The following TTC7B variants were observed in gnomAD, a reference collection of about 807,000 sequenced individuals.
The protein encoded by TTC7B is tetratricopeptide repeat domain 7B.
In TTC7B, 28 loss-of-function variants were observed where a neutral mutation model predicts 106.8. That is an observed-to-expected ratio of 0.26 (90% confidence interval 0.19 to 0.36). The LOEUF is 0.36. Ranked by LOEUF, TTC7B falls within the 10% of genes least tolerant of loss-of-function variation. TTC7B has a pLI of 1.00. For missense variants in TTC7B, 862 were observed against 1,076.4 expected (o/e 0.80, Z 2.79); for synonymous variants, 405 against 430.6 (o/e 0.94, Z 0.74).
At chr14:90,580,115 C>T (rs1019374153) in intron 18 of TTC7B, among the ~76,000 whole-genome samples, 11 of 152,208 alleles carry the variant, frequency 7.2e-5, no homozygotes, top group South Asian at 2.1e-4. Flanking sequence ...CTGCACCCAC[C>T]GGAATATGGG....
chr14:90,647,828 ACTT>A (rs1265409805), intron 13 of TTC7B, among the ~76,000 whole-genome samples: 1 of 152,166 alleles, frequency 6.6e-6, no homozygotes, highest in East Asian at 1.9e-4. Flanking sequence ...AGAAAAACAA[ACTT>A]CTACTTTCTT....
intron 8 of TTC7B, among the ~76,000 whole-genome samples, chr14:90,680,122 T>G (rs746988614): frequency 5.3e-5 from 8 of 152,206 alleles, no homozygotes; most frequent in Non-Finnish European, 1.2e-4. Flanking sequence ...GGGGCCTCTT[T>G]CTCCTTTTAA....
intron 9 of TTC7B, among the ~76,000 whole-genome samples, chr14:90,674,661 A>G (rs949186894): frequency 1.3e-5 from 2 of 152,222 alleles, no homozygotes; most frequent in African/African-American, 4.8e-5. Flanking sequence ...TAGTACATAC[A>G]TGTGTTGAAG....
In TTC7B at chr14:90,816,403, G is replaced by C; in HGVS notation, c.-108C>G. On this transcript the variant is annotated 5_prime_UTR_variant, in exon 1 of 20. Coordinates refer to ENST00000328459, the MANE Select transcript of TTC7B (RefSeq NM_001010854.2). ...CCGCGGGCTCGGGCTCCGGCTCCCG[G>C]CTCCGCGGCGTAACGGGAGCGCCGG... 1 of 576,172 alleles carries C rather than the reference G, an allele frequency of 1.7e-6. No homozygotes were observed. The highest frequency in any genetic ancestry group is 2.2e-6 in the Non-Finnish European group (1 of 459,828). The allele number at this position is 576,172 out of a possible 1,614,324, so 35.7% of individuals were successfully genotyped here. A position where few individuals can be genotyped will look rare whatever the true frequency, so the allele number is the denominator to read the frequency against.
At chr14:90,730,753 C>G (rs1315045621) in intron 4 of TTC7B, among the ~76,000 whole-genome samples, 1 of 152,212 alleles carries the variant, frequency 6.6e-6, no homozygotes, top group African/African-American at 2.4e-5. Flanking sequence ...TGAGGTTGGG[C>G]TGCGTGGCAG....
intron 4 of TTC7B, among the ~76,000 whole-genome samples, chr14:90,741,206 C>A (rs754934818): frequency 1.3e-5 from 2 of 152,160 alleles, no homozygotes; most frequent in African/African-American, 4.8e-5. Context: ...AGTGTCACTG[C>A]CCTTCAGGAA....
rs974426767 is a variant in TTC7B, at chr14:90,570,817, C to T, written c.2310+7289G>A. Among the ~76,000 whole-genome samples, 7 of 152,182 alleles carry T rather than the reference C, an allele frequency of 4.6e-5. No homozygotes were observed. The highest frequency in any genetic ancestry group is 1.7e-4 in the African/African-American group (7 of 41,436). On this transcript the variant is annotated intron_variant, in intron 19 of 19. Coordinates refer to ENST00000328459, the MANE Select transcript of TTC7B (RefSeq NM_001010854.2). This position sits in a 1 kb window ranked among gnomAD's most constrained non-coding sequence, Gnocchi z 4.0. ...CTAACTCATTTAACCCGCACAGCAA[C>T]ACCACCGGGCACTGTTATTACTCCC...
Position 90,815,986 on chromosome 14 carries a change from C to T in TTC7B, c.121+189G>A, listed in dbSNP as rs1595061769. On this transcript the variant is annotated intron_variant, in intron 1 of 19. Transcript: ENST00000328459. ...AGCCCCTGGCGCCCCCCCGGGCCCC[C>T]ACACCGCGTGACTCCGGGGCACCCG... Among the ~76,000 whole-genome samples the T allele has an allele frequency of 4.0e-5, 6 of 151,548 alleles. No homozygotes were observed. The East Asian group carries it at 1.2e-3, about 30-fold the overall frequency.
At chr14:90,641,301 C>T (rs796251098) in intron 15 of TTC7B, among the ~76,000 whole-genome samples, 1 of 152,226 alleles carries the variant, frequency 6.6e-6, no homozygotes, top group Admixed American at 6.5e-5. Context: ...CTACTAACTG[C>T]CCAACAGGTG....
At chr14:90,598,603 C>T (rs559544960) in intron 17 of TTC7B, among the ~76,000 whole-genome samples, 1 of 152,208 alleles carries the variant, frequency 6.6e-6, no homozygotes, top group South Asian at 2.1e-4. Context: ...CTGAACCCTT[C>T]CTGAGGTTTT....
intron 19 of TTC7B, among the ~76,000 whole-genome samples, chr14:90,560,855 T>C: frequency 6.6e-6 from 1 of 152,252 alleles, no homozygotes; most frequent in Non-Finnish European, 1.5e-5. Context: ...TCTTTGATCA[T>C]TGCAAAGGCA....
intron 16 of TTC7B, among the ~76,000 whole-genome samples, chr14:90,613,460 T>C (rs1477867295): frequency 6.6e-6 from 1 of 152,200 alleles, no homozygotes; most frequent in Non-Finnish European, 1.5e-5. Context: ...CTTGAAGCAA[T>C]TTTTAGTTCT....
chr14:90,541,225 T>G lies in TTC7B; in HGVS notation c.*143A>C. The G allele has an allele frequency of 4.5e-6, 3 of 670,398 alleles. No homozygotes were observed. Among genetic ancestry groups the G allele is most frequent in the East Asian group, 2.9e-5 (1 of 34,218 alleles). The allele number at this position is 670,398 out of a possible 1,614,324, so 41.5% of individuals were successfully genotyped here. ...GGCGAGAGCGATGATTCGGGGTTGG[T>G]TTGGTTGGTTCACTGTGGCCCACTG... On this transcript the variant is annotated 3_prime_UTR_variant, in exon 20 of 20. Transcript: ENST00000328459.
At chr14:90,748,939 G>A (rs1438368646) in intron 3 of TTC7B, among the ~76,000 whole-genome samples, 1 of 152,072 alleles carries the variant, frequency 6.6e-6, no homozygotes, top group Non-Finnish European at 1.5e-5. Context: ...ATTTCTTTCA[G>A]CTACTATCTG....
intron 19 of TTC7B, among the ~76,000 whole-genome samples, chr14:90,564,171 G>T (rs1007427117): frequency 6.6e-5 from 10 of 151,886 alleles, no homozygotes; most frequent in African/African-American, 2.4e-4. Flanking sequence ...TTGATCCATG[G>T]GCTGTAAAGT....
At position 90,610,804 on chromosome 14, in the gene TTC7B, G is replaced by A; in HGVS notation, c.1904C>T (p.Thr635Ile). ...SGRGSSLLDRTIADRRQLNTI... is the reference protein window; with the variant it reads ...SGRGSSLLDRIIADRRQLNTI... ...ATTAAGCTGTCGTCTGTCAGCAATG[G>A]TTCTATCTAAGAGGCTGCTCCCACG... is the stretch of plus-strand genomic sequence containing the variant. Residue 635 changes from threonine (T) to isoleucine (I), a missense_variant, in exon 17 of 20, where the codon ACC becomes ATC. Physicochemically the swap from Thr to Ile is moderately conservative, Grantham distance 89. Coordinates refer to ENST00000328459, the MANE Select transcript of TTC7B (RefSeq NM_001010854.2). 2 of 1,613,882 alleles carry A rather than the reference G, an allele frequency of 1.2e-6. No homozygotes were observed. The highest frequency in any genetic ancestry group is 1.7e-6 in the Non-Finnish European group (2 of 1,179,878).
At chr14:90,604,897 T>G (rs139878483) in intron 17 of TTC7B, among the ~76,000 whole-genome samples, 1 of 152,336 alleles carries the variant, frequency 6.6e-6, no homozygotes, top group East Asian at 1.9e-4. Context: ...AAAATACTAT[T>G]CAATTTCTCT....
chr14:90,660,498 C>T (rs1407884031), intron 9 of TTC7B, among the ~76,000 whole-genome samples: 2 of 151,160 alleles, frequency 1.3e-5, no homozygotes, highest in Non-Finnish European at 3.0e-5. Context: ...CCCCCTCCAC[C>T]AAAGGGGAGA....
intron 1 of TTC7B, among the ~76,000 whole-genome samples, chr14:90,812,803 C>G (rs1360342917): frequency 6.6e-6 from 1 of 152,210 alleles, no homozygotes; most frequent in African/African-American, 2.4e-5. Context: ...GGCATTTGTC[C>G]TTTTCTTCCT....
Sources: allele counts gnomAD v4.1 joint callset (sites outside exome capture counted in the v4.1 genomes callset), GRCh38; gene constraint gnomAD v4.1.1; non-coding constraint Gnocchi (gnomAD v3.1); transcripts MANE v1.5; gene names NCBI Gene and HGNC (gene_info 2026-07-23, HGNC 2026-07-21).